PRXL2A: variants seen among roughly 807,000 people sequenced by gnomAD.
PRXL2A encodes the protein peroxiredoxin like 2A.
PRXL2A carries 26 observed loss-of-function variants against 25.6 expected under a neutral mutation model. The ratio of observed to expected loss-of-function variants is 1.02; its 90% CI spans 0.74 to 1.41. PRXL2A has a LOEUF of 1.41. Among genes scored for constraint, PRXL2A ranks in the 40% most tolerant of loss-of-function variants. The pLI, the probability that PRXL2A is intolerant of heterozygous loss-of-function variation, is 0.00. For synonymous variants in PRXL2A, 98 were observed against 102.9 expected, an observed-to-expected ratio of 0.95 and a Z score of 0.29; for missense variants, 246 against 273.9, an observed-to-expected ratio of 0.90 and a Z score of 0.72.
At chr10:80,418,972 C>T (rs1375954746) in intron 1 of PRXL2A, among the ~76,000 whole-genome samples, 1 of 151,940 alleles carries the variant, frequency 6.6e-6, no homozygotes, top group Non-Finnish European at 1.5e-5. Context: ...GCCATAGGAC[C>T]TCCTCTTTCT....
At chr10:80,418,451 A>C (rs1844744209) in intron 1 of PRXL2A, among the ~76,000 whole-genome samples, 2 of 149,680 alleles carry the variant, frequency 1.3e-5, no homozygotes, top group Non-Finnish European at 3.0e-5. Flanking sequence ...CCACCAACTC[A>C]CTCCCACCCC....
chr10:80,407,918 C>T (rs1844328439), upstream of PRXL2A: 2 of 152,320 alleles, frequency 1.3e-5, no homozygotes, highest in Non-Finnish European at 2.9e-5. Flanking sequence ...GACACAACCT[C>T]CTACTTTCAT....
At chr10:80,418,361 G>T (rs1398289063) in intron 1 of PRXL2A, among the ~76,000 whole-genome samples, 1 of 151,966 alleles carries the variant, frequency 6.6e-6, no homozygotes, top group African/African-American at 2.4e-5. Flanking sequence ...TTTTTTTATG[G>T]CTGCCTCTTT....
Position 80,413,652 on chromosome 10 carries a change from TA to T in PRXL2A, c.-3+5010del, listed in dbSNP as rs139230718. Among the ~76,000 whole-genome samples, 1,194 of 152,344 alleles carry T rather than the reference TA, an allele frequency of 7.8e-3. 17 individuals are homozygous for T. Among genetic ancestry groups the T allele is most frequent in the African/African-American group, 0.027 (1,135 of 41,576 alleles). ...AGCTTTGCTCAACTTTTTGAAGGGC[TA>T]GGGGGCCTTGGCAGCTTTCCATTTA... is the stretch of plus-strand genomic sequence containing the variant. On this transcript the variant is annotated intron_variant, in intron 1 of 5. Transcript: ENST00000606162.
intron 1 of PRXL2A, among the ~76,000 whole-genome samples, chr10:80,419,764 A>G (rs977613357): frequency 1.3e-5 from 2 of 152,164 alleles, no homozygotes; most frequent in Non-Finnish European, 2.9e-5. Context: ...CTTATCGACT[A>G]TGGTTTCATG....
rs200172480 is a variant in PRXL2A, at chr10:80,425,914, G to C, written c.319G>C (p.Val107Leu). ...GAAAAGCATGTTGGACCAGCTGGGC[G>C]TCCCCCTCTATGCAGTGGTAAAGGA... ...SLKSMLDQLGVPLYAVVKEHI... is the reference protein window; with the variant it reads ...SLKSMLDQLGLPLYAVVKEHI... Residue 107 changes from valine to leucine, a missense_variant, in exon 4 of 6, where the codon GTC becomes CTC. Val to Leu is a conservative substitution (Grantham distance 32). Coordinates refer to ENST00000606162, the MANE Select transcript of PRXL2A (RefSeq NM_032333.5). The C allele has an allele frequency of 6.2e-7, 1 of 1,614,220 alleles. No homozygotes were observed. Among genetic ancestry groups the C allele is most frequent in the East Asian group, 2.2e-5 (1 of 44,896 alleles).
intron 1 of PRXL2A, among the ~76,000 whole-genome samples, chr10:80,417,513 T>C (rs1844703679): frequency 1.3e-5 from 2 of 152,118 alleles, no homozygotes; most frequent in African/African-American, 2.4e-5. Context: ...GAAGCAAGGC[T>C]AGGTGATTAA....
intron 3 of PRXL2A, among the ~76,000 whole-genome samples, chr10:80,423,981 AATGGCTGGCAAGTCAGCAACAGC>A (rs1490272935): frequency 1.3e-5 from 2 of 152,038 alleles, no homozygotes; most frequent in African/African-American, 4.8e-5. Flanking sequence ...TTAGGTCAGC[AATGGCTGGCAAGTCAGCAACAGC>A]ATGGAAGCCT....
intron 1 of PRXL2A, among the ~76,000 whole-genome samples, chr10:80,414,944 A>G (rs1844607965): frequency 6.6e-6 from 1 of 152,210 alleles, no homozygotes; most frequent in African/African-American, 2.4e-5. Context: ...TTTTGTGTGT[A>G]GGAAAAATTG....
chr10:80,435,865 G>A lies in PRXL2A; in HGVS notation c.*3766G>A, dbSNP rs1845389471. 1 of 152,182 alleles carries A rather than the reference G, an allele frequency of 6.6e-6. No individual in the cohort carries two copies. Among genetic ancestry groups the A allele is most frequent in the Non-Finnish European group, 1.5e-5 (1 of 68,044 alleles). 9.4% of individuals were successfully genotyped at this position (152,182 alleles called of 1,614,324 possible). On this transcript the variant is annotated 3_prime_UTR_variant, in exon 6 of 6. Transcript: ENST00000606162. ...ACAGATTAAAGTCATTAATCTCTGT[G>A]GGCTTTGGACTTGAAGTTTCAGCAG...
chr10:80,408,872 C>T (rs1171324686), intron 1 of PRXL2A, among the ~76,000 whole-genome samples: 3 of 152,216 alleles, frequency 2.0e-5, no homozygotes, highest in South Asian at 2.1e-4. Context: ...GATGGAAAAA[C>T]CCTGCGCCCA....
chr10:80,415,980 C>T (rs1381421086), intron 1 of PRXL2A, among the ~76,000 whole-genome samples: 1 of 152,150 alleles, frequency 6.6e-6, no homozygotes, highest in African/African-American at 2.4e-5. Flanking sequence ...AAATGCCCAT[C>T]AAATCTGTGA....
intron 5 of PRXL2A, among the ~76,000 whole-genome samples, chr10:80,431,569 T>G (rs1845261981): frequency 6.6e-6 from 1 of 152,164 alleles, no homozygotes; most frequent in Admixed American, 6.5e-5. Context: ...TTTTAGATGG[T>G]CATTCAGTGC....
intron 3 of PRXL2A, among the ~76,000 whole-genome samples, chr10:80,425,106 A>G (rs1432893541): frequency 6.6e-6 from 1 of 152,228 alleles, no homozygotes; most frequent in Non-Finnish European, 1.5e-5. Context: ...GACTGCATTT[A>G]AAAGGATTTT....
chr10:80,417,758 GTT>G (rs68052923), intron 1 of PRXL2A, among the ~76,000 whole-genome samples: 1,335 of 130,126 alleles, frequency 0.01, 19 homozygotes, highest in African/African-American at 0.036. Context: ...TTTTTTTTTT[GTT>G]TTTTTTTTTT....
At chr10:80,408,348 G>A (rs990966310), upstream of PRXL2A, 12 of 152,148 alleles carry the variant, frequency 7.9e-5, no homozygotes, top group African/African-American at 2.9e-4. Context: ...TCGCGGACTT[G>A]AGGAGTGGAC....
chr10:80,410,438 C>T lies in PRXL2A; in HGVS notation c.-3+1795C>T, dbSNP rs193063221. On this transcript the variant is annotated intron_variant, in intron 1 of 5. Coordinates refer to ENST00000606162, the MANE Select transcript of PRXL2A (RefSeq NM_032333.5). ...GCCAGTGTTCCCACCAGACCTAGAACGTTCACCAGAAAGCAGGCCTGCAGT... is the reference window on the plus strand; with the variant it reads ...GCCAGTGTTCCCACCAGACCTAGAATGTTCACCAGAAAGCAGGCCTGCAGT... 1.2e-3 allele frequency among the ~76,000 whole-genome samples: 186 copies of T among 152,358 alleles called. 3 individuals carry two copies. The highest frequency in any genetic ancestry group is 0.01 in the Admixed American group (158 of 15,312).
At chr10:80,411,743 C>CT (rs1231492511) in intron 1 of PRXL2A, among the ~76,000 whole-genome samples, 3 of 152,144 alleles carry the variant, frequency 2.0e-5, no homozygotes, top group Non-Finnish European at 4.4e-5. Flanking sequence ...GACTTGTTCA[C>CT]TGAGGGCCTG....
At chr10:80,407,858 C>A (rs1844326799), upstream of PRXL2A, 1 of 152,300 alleles carries the variant, frequency 6.6e-6, no homozygotes, top group Admixed American at 6.5e-5. Flanking sequence ...CTCCTGGGCT[C>A]AAGCGATCCT....
Sources: allele counts gnomAD v4.1 joint callset (sites outside exome capture counted in the v4.1 genomes callset), GRCh38; gene constraint gnomAD v4.1.1; transcripts MANE v1.5; gene names NCBI Gene and HGNC (gene_info 2026-07-23, HGNC 2026-07-21).